Variants in LRMDA observed in about 807,000 individuals in gnomAD.
LRMDA encodes the protein leucine-rich melanocyte differentiation-associated protein.
LRMDA carries 18 observed loss-of-function variants against 29.8 expected under a neutral mutation model. The ratio of observed to expected loss-of-function variants is 0.60; its 90% CI spans 0.42 to 0.90. The LOEUF is 0.90. LRMDA is among the 40% of genes least tolerant of loss of function. LRMDA has a pLI of 0.00. For synonymous variants in LRMDA, 125 were observed against 109.4 expected, an observed-to-expected ratio of 1.14 and a Z score of -0.89; for missense variants, 273 against 273.9, an observed-to-expected ratio of 1.00 and a Z score of 0.02.
At chr10:76,322,323 G>A (rs1331612376) in intron 5 of LRMDA, among the ~76,000 whole-genome samples, 2 of 151,198 alleles carry the variant, frequency 1.3e-5, no homozygotes, top group East Asian at 3.9e-4. Flanking sequence ...TCAAAGAGCT[G>A]GTAGTTGGAT....
At chr10:76,492,133 C>G (rs780009484) in intron 6 of LRMDA, among the ~76,000 whole-genome samples, 24 of 152,048 alleles carry the variant, frequency 1.6e-4, no homozygotes, top group Non-Finnish European at 3.5e-4. Context: ...TTCCTCGAAA[C>G]AGCTATTTTG....
At chr10:75,845,133 T>A (rs1844610808) in intron 2 of LRMDA, among the ~76,000 whole-genome samples, 1 of 152,010 alleles carries the variant, frequency 6.6e-6, no homozygotes, top group Admixed American at 6.6e-5. Context: ...TTTACAAAAG[T>A]TTCTTGGGGG....
intron 2 of LRMDA, among the ~76,000 whole-genome samples, chr10:75,577,935 T>C (rs1236469234): frequency 6.7e-6 from 1 of 150,152 alleles, no homozygotes; most frequent in Admixed American, 6.6e-5. Flanking sequence ...TGCAAAAACA[T>C]ACCAAATTGT....
intron 5 of LRMDA, 121 bp downstream of exon 5, chr10:76,058,904 T>A (rs891225082): frequency 2.6e-6 from 2 of 766,820 alleles, no homozygotes; most frequent in Non-Finnish European, 4.5e-6. Flanking sequence ...ACATGAAGGG[T>A]CCTTCCATGG....
At chr10:75,454,722 A>G (rs929381496) in intron 2 of LRMDA, among the ~76,000 whole-genome samples, 1 of 152,214 alleles carries the variant, frequency 6.6e-6, no homozygotes, top group Non-Finnish European at 1.5e-5. Flanking sequence ...GTGGACCAAT[A>G]TCACAGAGAG....
At chr10:76,352,262 C>T (rs751891825) in intron 6 of LRMDA, among the ~76,000 whole-genome samples, 9 of 152,050 alleles carry the variant, frequency 5.9e-5, no homozygotes, top group Non-Finnish European at 1.0e-4. Context: ...ACATTTATAA[C>T]TGTGGTAAAG....
rs1487973255 is a variant in LRMDA, at chr10:76,204,117, T to A, written c.517-120284T>A. On this transcript the variant is annotated intron_variant, in intron 5 of 6. Coordinates refer to ENST00000611255, the MANE Select transcript of LRMDA (RefSeq NM_001305581.2). ...TCTATTTTATGTATCCATCAACCCA[T>A]CTCTCCATGTGCCCGTCCACCCATC... Among the ~76,000 whole-genome samples, 2 of 141,580 alleles carry A rather than the reference T, an allele frequency of 1.4e-5. 1 individual carries two copies. Among genetic ancestry groups the A allele is most frequent in the South Asian group, 4.7e-4 (2 of 4,254 alleles). 92.9% of individuals were successfully genotyped at this position (141,580 alleles called of 152,430 possible). A position where few individuals can be genotyped will look rare whatever the true frequency, so the allele number is the denominator to read the frequency against.
chr10:76,370,957 TA>T (rs1456304569), intron 6 of LRMDA, among the ~76,000 whole-genome samples: 4 of 152,168 alleles, frequency 2.6e-5, no homozygotes, highest in Non-Finnish European at 5.9e-5. Flanking sequence ...TGTAAGTTTG[TA>T]AAACCACTGA....
At chr10:76,387,960 A>G (rs1231533945) in intron 6 of LRMDA, among the ~76,000 whole-genome samples, 2 of 152,208 alleles carry the variant, frequency 1.3e-5, no homozygotes, top group South Asian at 2.1e-4. Flanking sequence ...TTGTCCTGTC[A>G]TCTTTGTGTG....
intron 2 of LRMDA, among the ~76,000 whole-genome samples, chr10:75,663,962 A>G (rs1841788449): frequency 6.6e-6 from 1 of 152,180 alleles, no homozygotes; most frequent in African/African-American, 2.4e-5. Flanking sequence ...TGTGTCTTTA[A>G]GAGGAGAGTA....
intron 6 of LRMDA, among the ~76,000 whole-genome samples, chr10:76,412,294 C>T (rs1336129187): frequency 6.6e-6 from 1 of 152,160 alleles, no homozygotes; most frequent in Non-Finnish European, 1.5e-5. Context: ...TGTATTTTCT[C>T]CTGCTTCTAC....
intron 2 of LRMDA, among the ~76,000 whole-genome samples, chr10:75,587,104 C>A (rs1840665845): frequency 6.6e-6 from 1 of 152,080 alleles, no homozygotes; most frequent in Non-Finnish European, 1.5e-5. Flanking sequence ...GTTTTACAGT[C>A]TTGGCTCTTA....
chr10:76,077,257 A>T (rs1259939949), intron 5 of LRMDA, among the ~76,000 whole-genome samples: 1 of 152,212 alleles, frequency 6.6e-6, no homozygotes, highest in African/African-American at 2.4e-5. Flanking sequence ...CTTAGAGGTG[A>T]TGGCGACCAG....
Position 76,144,451 on chromosome 10 carries a change from A to G in LRMDA, c.516+85668A>G, listed in dbSNP as rs899132578. Among the ~76,000 whole-genome samples, 174 of 151,954 alleles carry G rather than the reference A, an allele frequency of 1.1e-3. 1 individual carries two copies. The highest frequency in any genetic ancestry group is 3.9e-3 in the African/African-American group (160 of 41,494). ...TCCTAGGTATTTTATTCTCTTTGAA[A>G]CAATTGTGAATGGGAGTTCACTCAT... On this transcript the variant is annotated intron_variant, in intron 5 of 6. Coordinates refer to ENST00000611255, the MANE Select transcript of LRMDA (RefSeq NM_001305581.2).
intron 6 of LRMDA, among the ~76,000 whole-genome samples, chr10:76,442,211 T>C (rs1320242255): frequency 6.6e-6 from 1 of 152,208 alleles, no homozygotes; most frequent in African/African-American, 2.4e-5. Context: ...ATTATCATTA[T>C]CCATCAAAGC....
intron 2 of LRMDA, among the ~76,000 whole-genome samples, chr10:75,569,493 T>C (rs1840411648): frequency 6.6e-6 from 1 of 152,256 alleles, no homozygotes; most frequent in South Asian, 2.1e-4. Flanking sequence ...ATGTGCCAGC[T>C]TGGATTATTT....
chr10:75,700,668 T>G (rs1842293864), intron 2 of LRMDA, among the ~76,000 whole-genome samples: 1 of 152,086 alleles, frequency 6.6e-6, no homozygotes, highest in Admixed American at 6.6e-5. Context: ...AGCGAGCAAG[T>G]TTGGAGAGCT....
At position 76,511,233 on chromosome 10, in the gene LRMDA, T is replaced by C. The variant is rs181573566; in HGVS notation, c.602-45976T>C. Among the ~76,000 whole-genome samples, 81 of 152,212 alleles carry C rather than the reference T, an allele frequency of 5.3e-4. 1 individual carries two copies. Among genetic ancestry groups the C allele is most frequent in the Admixed American group, 9.2e-4 (14 of 15,296 alleles). ...AAACACCCAAGCTTTTCTATTAGAT[T>C]TGAGTGAGGAAGGCACAAGTGGCTT... On this transcript the variant is annotated intron_variant, in intron 6 of 6. Coordinates refer to ENST00000611255, the MANE Select transcript of LRMDA (RefSeq NM_001305581.2).
intron 2 of LRMDA, among the ~76,000 whole-genome samples, chr10:75,724,249 A>G (rs941334147): frequency 6.6e-6 from 1 of 152,198 alleles, no homozygotes; most frequent in Admixed American, 6.5e-5. Context: ...ATTATCTTCA[A>G]CTACATTAGT....
Sources: allele counts gnomAD v4.1 joint callset (sites outside exome capture counted in the v4.1 genomes callset), GRCh38; gene constraint gnomAD v4.1.1; transcripts MANE v1.5; gene names NCBI Gene and HGNC (gene_info 2026-07-23, HGNC 2026-07-21).